Variants in SH3GL2 observed in about 807,000 individuals in gnomAD.
The protein encoded by SH3GL2 is SH3 domain containing GRB2 like 2, endophilin A1, also known as endophilin-A1.
A neutral mutation model predicts 46.0 loss-of-function variants in SH3GL2; 24 were observed. The ratio of observed to expected loss-of-function variants is 0.52; its 90% CI spans 0.38 to 0.73. SH3GL2 has a LOEUF of 0.73. Among genes scored for constraint, SH3GL2 ranks in the 30% least tolerant of loss-of-function variants. The pLI, the probability that SH3GL2 is intolerant of heterozygous loss-of-function variation, is 0.00. For missense variants in SH3GL2, 413 were observed against 424.2 expected (o/e 0.97, Z 0.23); for synonymous variants, 196 against 147.1 (o/e 1.33, Z -2.40).
chr9:17,587,225 A>C (rs1407221428), intron 1 of SH3GL2, among the ~76,000 whole-genome samples: 1 of 152,154 alleles, frequency 6.6e-6, no homozygotes, highest in Non-Finnish European at 1.5e-5. Context: ...CAAAACAAAA[A>C]GTACAGGAAA....
Position 17,794,673 on chromosome 9 carries a change from A to G in SH3GL2, c.860-871A>G, listed in dbSNP as rs1329747302. Among the ~76,000 whole-genome samples, 3 of 152,196 alleles carry G rather than the reference A, an allele frequency of 2.0e-5. No individual in the cohort carries two copies. The East Asian group carries it at 5.8e-4, about 29-fold the overall frequency. On this transcript the variant is annotated intron_variant, in intron 8 of 8. Coordinates refer to ENST00000380607, the MANE Select transcript of SH3GL2 (RefSeq NM_003026.5). ...TGCACTTGTCTGAGTCTGTATCTAC[A>G]TGTGTATGTATGTAGTATTAATACA...
intron 1 of SH3GL2, among the ~76,000 whole-genome samples, chr9:17,614,914 C>T (rs1289865961): frequency 1.3e-5 from 2 of 152,196 alleles, no homozygotes; most frequent in Non-Finnish European, 2.9e-5. Flanking sequence ...TTTCCCCACA[C>T]CCAAAAGGCT....
intron 1 of SH3GL2, among the ~76,000 whole-genome samples, chr9:17,626,623 A>G (rs114150351): frequency 0.015 from 2,274 of 152,310 alleles, 68 homozygotes; most frequent in African/African-American, 0.052. Flanking sequence ...AAGGCCATTG[A>G]ATAAGGAATG....
At chr9:17,660,400 C>T (rs1034252623) in intron 1 of SH3GL2, among the ~76,000 whole-genome samples, 1 of 152,172 alleles carries the variant, frequency 6.6e-6, no homozygotes, top group Non-Finnish European at 1.5e-5. Flanking sequence ...GCGTTCTACC[C>T]TGACTGTTCA....
At chr9:17,629,698 G>T (rs1011005773) in intron 1 of SH3GL2, among the ~76,000 whole-genome samples, 1 of 152,090 alleles carries the variant, frequency 6.6e-6, no homozygotes, top group African/African-American at 2.4e-5. Flanking sequence ...TATATTCAGA[G>T]AACATTTTCA....
intron 1 of SH3GL2, among the ~76,000 whole-genome samples, chr9:17,692,945 T>G (rs996588740): frequency 2.0e-5 from 3 of 152,046 alleles, no homozygotes; most frequent in Non-Finnish European, 2.9e-5. Flanking sequence ...TGAGACTTAT[T>G]CACTATCATG....
chr9:17,669,341 A>C (rs1820417812), intron 1 of SH3GL2, among the ~76,000 whole-genome samples: 1 of 152,156 alleles, frequency 6.6e-6, no homozygotes, highest in Admixed American at 6.5e-5. Context: ...ATATAGGTTC[A>C]AGTGTTCACC....
chr9:17,646,284 T>C (rs1819815049), intron 1 of SH3GL2, among the ~76,000 whole-genome samples: 1 of 152,086 alleles, frequency 6.6e-6, no homozygotes, highest in Non-Finnish European at 1.5e-5. Context: ...TAACCTTTTA[T>C]CAAAGTTCTT....
chr9:17,674,978 C>A (rs1180998452), intron 1 of SH3GL2, among the ~76,000 whole-genome samples: 1 of 152,092 alleles, frequency 6.6e-6, no homozygotes, highest in East Asian at 1.9e-4. Context: ...ATAGGAGGAG[C>A]CACCAGGTTA....
At chr9:17,701,659 G>T (rs899848721) in intron 1 of SH3GL2, among the ~76,000 whole-genome samples, 14 of 152,020 alleles carry the variant, frequency 9.2e-5, no homozygotes, top group Admixed American at 3.3e-4. Context: ...ACATAGATGC[G>T]AACAGCCACC....
At chr9:17,744,692 AC>A (rs1489692718) in intron 1 of SH3GL2, among the ~76,000 whole-genome samples, 10 of 152,036 alleles carry the variant, frequency 6.6e-5, no homozygotes, top group African/African-American at 2.4e-4. Flanking sequence ...CTGAATTCTA[AC>A]CCCCGCACCC....
chr9:17,730,300 A>G (rs1399380093), intron 1 of SH3GL2, among the ~76,000 whole-genome samples: 1 of 151,982 alleles, frequency 6.6e-6, no homozygotes, highest in Non-Finnish European at 1.5e-5. Flanking sequence ...TTTTTTGCAC[A>G]TTGATTTTTT....
intron 1 of SH3GL2, among the ~76,000 whole-genome samples, chr9:17,740,124 A>G (rs1002684968): frequency 5.9e-5 from 9 of 152,310 alleles, no homozygotes; most frequent in African/African-American, 1.9e-4. Flanking sequence ...TCTTAAATAT[A>G]CAATTTTTTG....
At chr9:17,582,905 C>T (rs1173135327) in intron 1 of SH3GL2, among the ~76,000 whole-genome samples, 1 of 152,146 alleles carries the variant, frequency 6.6e-6, no homozygotes, top group Non-Finnish European at 1.5e-5. Context: ...TGACATTCTC[C>T]CTGTGTGTGT....
At chr9:17,623,705 T>TACAC (rs10660392) in intron 1 of SH3GL2, among the ~76,000 whole-genome samples, 19,670 of 147,794 alleles carry the variant, frequency 0.13, 1,575 homozygotes, top group East Asian at 0.33. Context: ...TATAATTTCC[T>TACAC]ACACACACAC....
At chr9:17,606,678 C>T (rs1233967302) in intron 1 of SH3GL2, among the ~76,000 whole-genome samples, 1 of 152,116 alleles carries the variant, frequency 6.6e-6, no homozygotes, top group Non-Finnish European at 1.5e-5. Context: ...AGCTGGATAT[C>T]CTTTAACTAC....
chr9:17,733,670 C>CA (rs2118434618), intron 1 of SH3GL2, among the ~76,000 whole-genome samples: 1 of 152,064 alleles, frequency 6.6e-6, no homozygotes, highest in East Asian at 1.9e-4. Context: ...CACATGCACA[C>CA]ATGTGTTTAT....
At chr9:17,617,577 A>C (rs1588176544) in intron 1 of SH3GL2, among the ~76,000 whole-genome samples, 1 of 152,226 alleles carries the variant, frequency 6.6e-6, no homozygotes, top group Non-Finnish European at 1.5e-5. Flanking sequence ...TTTCAGGCTC[A>C]CTTGAGTATC....
rs1032957661 is a variant in SH3GL2 at position 17,586,087 on chromosome 9, A to C, written c.45+6800A>C. On this transcript the variant is annotated intron_variant, in intron 1 of 8. Transcript: ENST00000380607. ...GTCTTTTGCATTCTACCAACAAAATATTTTCATGCTATACTAAATCATTAG... is the reference window on the plus strand; with the variant it reads ...GTCTTTTGCATTCTACCAACAAAATCTTTTCATGCTATACTAAATCATTAG... Among the ~76,000 whole-genome samples, 20 of 152,294 alleles carry C rather than the reference A, an allele frequency of 1.3e-4. No individual in the cohort carries two copies. The East Asian group carries it at 3.9e-3, about 29-fold the overall frequency.
Sources: allele counts gnomAD v4.1 joint callset (sites outside exome capture counted in the v4.1 genomes callset), GRCh38; gene constraint gnomAD v4.1.1; transcripts MANE v1.5; gene names NCBI Gene and HGNC (gene_info 2026-07-23, HGNC 2026-07-21).